The following AFG2A variants were observed in gnomAD, a reference collection of about 807,000 sequenced individuals.
AFG2A encodes the protein ATPase family gene 2 protein homolog A.
At chr4:123,269,719 G>A in the AFG2A span, among the ~76,000 whole-genome samples, 1 of 152,100 alleles carries the variant, frequency 6.6e-6, no homozygotes, top group African/African-American at 2.4e-5. Context: ...GGGGGAACCT[G>A]CATTTCAACT....
chr4:122,940,310 T>A, the AFG2A span, among the ~76,000 whole-genome samples: 1 of 152,092 alleles, frequency 6.6e-6, no homozygotes, highest in East Asian at 1.9e-4. Context: ...CCTGACTTTT[T>A]AATGATTGCC....
the AFG2A span, among the ~76,000 whole-genome samples, chr4:123,262,565 C>A: frequency 6.6e-6 from 1 of 152,198 alleles, no homozygotes; most frequent in African/African-American, 2.4e-5. Flanking sequence ...AAAAGTTTGT[C>A]AATTCCTGTG....
chr4:123,134,460 T>C, the AFG2A span, among the ~76,000 whole-genome samples: 18 of 152,160 alleles, frequency 1.2e-4, no homozygotes, highest in Non-Finnish European at 2.5e-4. Flanking sequence ...CATTCGTTGA[T>C]GTGTCTGTTT....
the AFG2A span, among the ~76,000 whole-genome samples, chr4:123,049,747 T>C: frequency 6.6e-6 from 1 of 152,082 alleles, no homozygotes; most frequent in African/African-American, 2.4e-5. Flanking sequence ...CAAAGCTTTG[T>C]TGATTTTATG....
chr4:122,938,280 A>G, the AFG2A span: 8 of 1,508,220 alleles, frequency 5.3e-6, no homozygotes, highest in African/African-American at 8.4e-5. Flanking sequence ...GATTCTGTGT[A>G]GGGTTAATTC....
the AFG2A span, among the ~76,000 whole-genome samples, chr4:123,030,968 T>C: frequency 6.6e-6 from 1 of 152,196 alleles, no homozygotes; most frequent in Non-Finnish European, 1.5e-5. Flanking sequence ...CGTTCAACTC[T>C]CCTATAGGTT....
chr4:123,252,477 T>C, the AFG2A span, among the ~76,000 whole-genome samples: 2 of 103,008 alleles, frequency 1.9e-5, no homozygotes, highest in African/African-American at 5.2e-5. Context: ...CATGACTTCT[T>C]ACGTGATTTT....
chr4:123,161,569 T>A, the AFG2A span, among the ~76,000 whole-genome samples: 1 of 152,154 alleles, frequency 6.6e-6, no homozygotes, highest in African/African-American at 2.4e-5. Flanking sequence ...TCTAATTGCA[T>A]AGTTCAAAAT....
At chr4:123,018,781 G>A in the AFG2A span, among the ~76,000 whole-genome samples, 1 of 151,004 alleles carries the variant, frequency 6.6e-6, no homozygotes, top group Non-Finnish European at 1.5e-5. Context: ...TTACTGGCAT[G>A]CACCACCACG....
the AFG2A span, among the ~76,000 whole-genome samples, chr4:122,970,630 A>G: frequency 2.0e-5 from 3 of 151,702 alleles, no homozygotes; most frequent in Non-Finnish European, 2.9e-5. Flanking sequence ...TACCTACAGT[A>G]TTGAGTATAG....
the AFG2A span, among the ~76,000 whole-genome samples, chr4:122,989,671 C>T: frequency 5.9e-5 from 9 of 152,038 alleles, no homozygotes; most frequent in South Asian, 2.1e-4. Flanking sequence ...CCATCCTGGG[C>T]TGTGGGGGCT....
the AFG2A span, among the ~76,000 whole-genome samples, chr4:123,140,435 T>C: frequency 1.3e-5 from 2 of 151,990 alleles, no homozygotes; most frequent in African/African-American, 4.8e-5. Context: ...TATGTTAGGC[T>C]TATTTATTGA....
the AFG2A span, among the ~76,000 whole-genome samples, chr4:122,927,332 T>A: frequency 6.9e-6 from 1 of 145,742 alleles, no homozygotes; most frequent in East Asian, 1.9e-4. Flanking sequence ...GCTCAGAGAC[T>A]CTCTTTTGCA....
At chr4:122,986,557 A>G in the AFG2A span, among the ~76,000 whole-genome samples, 1 of 152,124 alleles carries the variant, frequency 6.6e-6, no homozygotes, top group East Asian at 1.9e-4. Context: ...TGAGGACACA[A>G]AGTCATAAGA....
At chr4:122,963,178 C>T in the AFG2A span, among the ~76,000 whole-genome samples, 1 of 152,120 alleles carries the variant, frequency 6.6e-6, no homozygotes, top group Non-Finnish European at 1.5e-5. Flanking sequence ...AACTAAGACT[C>T]ACAGGGAAAT....
At chr4:123,314,177 G>A in the AFG2A span, 1 of 858,270 alleles carries the variant, frequency 1.2e-6, no homozygotes, top group African/African-American at 1.8e-5. Flanking sequence ...TTTGAAGTAT[G>A]TTCAGTAGAA....
At chr4:123,225,586 C>G in the AFG2A span, among the ~76,000 whole-genome samples, 1 of 152,136 alleles carries the variant, frequency 6.6e-6, no homozygotes, top group Non-Finnish European at 1.5e-5. Context: ...GTTTTGATAC[C>G]AGTACCATGC....
chr4:123,131,120 T>C, the AFG2A span, among the ~76,000 whole-genome samples: 1 of 152,168 alleles, frequency 6.6e-6, no homozygotes, highest in African/African-American at 2.4e-5. Context: ...GTTGTTTTCT[T>C]TACGTATTCT....
chr4:123,214,594 G>T, the AFG2A span, among the ~76,000 whole-genome samples: 1 of 151,602 alleles, frequency 6.6e-6, no homozygotes, highest in Non-Finnish European at 1.5e-5. Flanking sequence ...AAAAAATTAA[G>T]AAAAAATGTC....
Sources: gnomAD v4.1 joint callset for allele counts (sites outside exome capture counted in the v4.1 genomes callset) on GRCh38, gnomAD v4.1.1 for gene constraint, MANE v1.5 for transcripts, NCBI Gene and HGNC (gene_info 2026-07-23, HGNC 2026-07-21) for gene names.